Variants in THSD7B observed in about 807,000 individuals in gnomAD.
THSD7B encodes the protein thrombospondin type-1 domain-containing protein 7B.
A neutral mutation model predicts 213.6 loss-of-function variants in THSD7B; 138 were observed. The observed-to-expected ratio is 0.65, with a 90% CI of 0.56 to 0.74. The LOEUF is 0.74. THSD7B is among the 30% of genes least tolerant of loss of function. THSD7B has a pLI of 0.00. For missense variants in THSD7B, 1,931 were observed against 1,991.5 expected, an observed-to-expected ratio of 0.97 and a Z score of 0.58; for synonymous variants, 742 against 687.0, an observed-to-expected ratio of 1.08 and a Z score of -1.25.
At chr2:136,766,456 C>T (rs1048206289) in intron 1 of THSD7B, among the ~76,000 whole-genome samples, 1 of 152,134 alleles carries the variant, frequency 6.6e-6, no homozygotes, top group Non-Finnish European at 1.5e-5. Flanking sequence ...CCATCTGCAC[C>T]TGTCCCCTTT....
intron 3 of THSD7B, among the ~76,000 whole-genome samples, chr2:137,061,655 G>A (rs114685843): frequency 0.013 from 1,952 of 151,708 alleles, 21 homozygotes; most frequent in Middle Eastern, 0.024. Flanking sequence ...TTATGTTATG[G>A]ATTACATTAA....
At chr2:136,833,583 A>T (rs1682795448) in intron 1 of THSD7B, among the ~76,000 whole-genome samples, 1 of 152,068 alleles carries the variant, frequency 6.6e-6, no homozygotes, top group Non-Finnish European at 1.5e-5. Context: ...GTTTGTAATG[A>T]ATATAGTTAG....
At chr2:137,203,778 G>A (rs150803157) in intron 7 of THSD7B, among the ~76,000 whole-genome samples, 1 of 152,106 alleles carries the variant, frequency 6.6e-6, no homozygotes, top group African/African-American at 2.4e-5. Context: ...ATATTATGCA[G>A]TGTATTTCTT....
intron 12 of THSD7B, among the ~76,000 whole-genome samples, chr2:137,384,164 A>G (rs1191901024): frequency 6.6e-6 from 1 of 152,086 alleles, no homozygotes; most frequent in Non-Finnish European, 1.5e-5. Flanking sequence ...CAAAGACTCC[A>G]ACTACTCTAT....
intron 1 of THSD7B, among the ~76,000 whole-genome samples, chr2:136,826,986 A>C (rs908252679): frequency 6.6e-6 from 1 of 152,220 alleles, no homozygotes; most frequent in South Asian, 2.1e-4. Flanking sequence ...CTTACCTAAC[A>C]GTACAGTGCT....
chr2:137,136,823 A>T (rs1679474402), intron 5 of THSD7B, among the ~76,000 whole-genome samples: 1 of 152,218 alleles, frequency 6.6e-6, no homozygotes, highest in South Asian at 2.1e-4. Flanking sequence ...TTTCTGAAAG[A>T]CAATTCATTT....
intron 2 of THSD7B, among the ~76,000 whole-genome samples, chr2:137,053,934 C>A (rs1687113953): frequency 6.6e-6 from 1 of 152,156 alleles, no homozygotes; most frequent in Admixed American, 6.5e-5. Flanking sequence ...TATTCCTTTA[C>A]TGAGTAACTG....
At chr2:136,965,664 T>C (rs1685301933) in intron 2 of THSD7B, among the ~76,000 whole-genome samples, 1 of 152,216 alleles carries the variant, frequency 6.6e-6, no homozygotes, top group Non-Finnish European at 1.5e-5. Context: ...TATATGACTC[T>C]GTTAGTCTCC....
chr2:136,883,053 A>G (rs1372451996), intron 2 of THSD7B, among the ~76,000 whole-genome samples: 2 of 152,050 alleles, frequency 1.3e-5, no homozygotes, highest in Non-Finnish European at 1.5e-5. Flanking sequence ...CTGGATTTTA[A>G]TTTTCTTTAA....
At chr2:137,365,531 A>C (rs958990549) in intron 12 of THSD7B, among the ~76,000 whole-genome samples, 7 of 152,134 alleles carry the variant, frequency 4.6e-5, no homozygotes, top group African/African-American at 1.4e-4. Flanking sequence ...CAAAGAACTT[A>C]AACAAATTTA....
At chr2:136,924,138 C>G (rs1331992811) in intron 2 of THSD7B, among the ~76,000 whole-genome samples, 2 of 152,036 alleles carry the variant, frequency 1.3e-5, no homozygotes, top group Admixed American at 1.3e-4. Flanking sequence ...TGAGATGGAG[C>G]CCTGCTCTGT....
intron 5 of THSD7B, among the ~76,000 whole-genome samples, chr2:137,140,683 G>C (rs1021925188): frequency 1.3e-5 from 2 of 151,890 alleles, no homozygotes; most frequent in Non-Finnish European, 2.9e-5. Context: ...TTTATTCATC[G>C]AACAAATACT....
chr2:137,583,501 G>A (rs1398669561), intron 17 of THSD7B, among the ~76,000 whole-genome samples: 1 of 152,162 alleles, frequency 6.6e-6, no homozygotes. Context: ...AATCCATCTT[G>A]AATTAATTTT....
At chr2:137,600,599 G>A (rs373931405) in intron 17 of THSD7B, among the ~76,000 whole-genome samples, 5 of 152,228 alleles carry the variant, frequency 3.3e-5, no homozygotes, top group East Asian at 3.9e-4. Flanking sequence ...TTAGCTGGGT[G>A]TAGTGGCACA....
At chr2:137,535,734 G>A (rs746869987) in intron 15 of THSD7B, among the ~76,000 whole-genome samples, 4 of 151,686 alleles carry the variant, frequency 2.6e-5, no homozygotes, top group Non-Finnish European at 5.9e-5. Context: ...CAGAGAAATG[G>A]TTGCAGATAA....
At chr2:137,656,099 T>G (rs1683231572) in intron 22 of THSD7B, among the ~76,000 whole-genome samples, 1 of 152,178 alleles carries the variant, frequency 6.6e-6, no homozygotes, top group African/African-American at 2.4e-5. Context: ...TCTGTAAATG[T>G]GAAGTTCCAT....
chr2:137,073,181 A>C (rs1378719506), intron 3 of THSD7B, among the ~76,000 whole-genome samples: 1 of 152,144 alleles, frequency 6.6e-6, no homozygotes, highest in Non-Finnish European at 1.5e-5. Flanking sequence ...AAGGAATGGT[A>C]CCAGTTCCTC....
At chr2:137,321,727 G>A (rs553532871) in intron 12 of THSD7B, among the ~76,000 whole-genome samples, 1 of 152,170 alleles carries the variant, frequency 6.6e-6, no homozygotes, top group African/African-American at 2.4e-5. Flanking sequence ...TCAAATGAAC[G>A]TTCCAGGATG....
At chr2:137,532,046 T>A (rs1366421285) in intron 15 of THSD7B, among the ~76,000 whole-genome samples, 1 of 151,940 alleles carries the variant, frequency 6.6e-6, no homozygotes, top group Non-Finnish European at 1.5e-5. Flanking sequence ...ACATTGTAAC[T>A]GTTTTTAGAG....
Sources: gnomAD v4.1 joint callset for allele counts (sites outside exome capture counted in the v4.1 genomes callset) on GRCh38, gnomAD v4.1.1 for gene constraint, MANE v1.5 for transcripts, NCBI Gene and HGNC (gene_info 2026-07-23, HGNC 2026-07-21) for gene names.